TMC1: variants seen among roughly 807,000 people sequenced by gnomAD.
The protein encoded by TMC1 is transmembrane channel-like protein 1.
Under a neutral mutation model 105.8 loss-of-function variants are expected in TMC1, and 84 were observed. The observed-to-expected ratio is 0.79, with a 90% CI of 0.67 to 0.95. The LOEUF (loss-of-function observed/expected upper bound fraction) is 0.95. Ranked by LOEUF, TMC1 falls within the 40% of genes least tolerant of loss-of-function variation. The probability of loss-of-function intolerance (pLI) is 0.00; values close to 1 mark genes in which losing one functional copy is unlikely to be tolerated. For synonymous variants in TMC1, 315 were observed against 311.5 expected (o/e 1.01, Z -0.12); for missense variants, 817 against 914.1 (o/e 0.89, Z 1.37).
chr9:72,725,212 AT>A (rs1827093419), intron 8 of TMC1, among the ~76,000 whole-genome samples: 1 of 151,334 alleles, frequency 6.6e-6, no homozygotes, highest in Non-Finnish European at 1.5e-5. Flanking sequence ...GTTAAACTTT[AT>A]TAAAATGCAC....
At chr9:72,799,735 A>G (rs944783235) in intron 17 of TMC1, among the ~76,000 whole-genome samples, 1 of 152,190 alleles carries the variant, frequency 6.6e-6, no homozygotes, top group Non-Finnish European at 1.5e-5. Flanking sequence ...TGTGGTAGAC[A>G]GAATAATGGC....
At chr9:72,677,799 G>T (rs990545071) in intron 5 of TMC1, among the ~76,000 whole-genome samples, 3 of 152,058 alleles carry the variant, frequency 2.0e-5, no homozygotes, top group African/African-American at 7.2e-5. Flanking sequence ...TAGTATTCAT[G>T]CTGGCTTAAC....
intron 1 of TMC1, among the ~76,000 whole-genome samples, chr9:72,538,283 G>GA (rs2132062200): frequency 6.6e-6 from 1 of 152,180 alleles, no homozygotes; most frequent in Admixed American, 6.5e-5. Context: ...AGACTCTCTG[G>GA]AAAAAACTTG....
intron 4 of TMC1, among the ~76,000 whole-genome samples, chr9:72,644,974 C>T (rs913980766): frequency 1.3e-5 from 2 of 151,780 alleles, no homozygotes; most frequent in Non-Finnish European, 2.9e-5. Context: ...TATCGTGAAG[C>T]GTGGGTGAAA....
chr9:72,655,850 G>GACT (rs1386448122), intron 5 of TMC1: 9 of 753,992 alleles, frequency 1.2e-5, no homozygotes, highest in Non-Finnish European at 4.8e-6. Flanking sequence ...CTACAATGGT[G>GACT]ACTTCCATCT....
intron 17 of TMC1, among the ~76,000 whole-genome samples, chr9:72,803,818 G>A (rs1828521497): frequency 6.6e-6 from 1 of 152,218 alleles, no homozygotes; most frequent in South Asian, 2.1e-4. Context: ...GTGGAAGACA[G>A]TGTGGCAATT....
In TMC1 at chr9:72,816,126, C is replaced by A. The variant is rs184810305; in HGVS notation, c.1696-17C>A. On this transcript the variant is annotated splice_polypyrimidine_tract_variant and intron_variant, in intron 18 of 23. Transcript: ENST00000297784. ...CCATGTGAGACGCTAATCCAATGAA[C>A]ATTGTGTCTCCTCTAGCCTTCATAC... 6.2e-7 allele frequency: 1 copy of A among 1,612,036 alleles called. No homozygotes were observed. The highest frequency in any genetic ancestry group is 2.2e-5 in the East Asian group (1 of 44,856).
At chr9:72,638,792 A>C (rs1039040124) in intron 4 of TMC1, among the ~76,000 whole-genome samples, 3 of 152,154 alleles carry the variant, frequency 2.0e-5, no homozygotes, top group African/African-American at 7.2e-5. Flanking sequence ...TTTTGGACTA[A>C]AATCCAGTTT....
rs755253599 is a variant in TMC1 at position 72,688,691 on chromosome 9, G to A, written c.17-18G>A. The A allele has an allele frequency of 6.2e-7, 1 of 1,604,332 alleles. No homozygotes were observed. The highest frequency in any genetic ancestry group is 8.5e-7 in the Non-Finnish European group (1 of 1,172,518). On this transcript the variant is annotated intron_variant, in intron 5 of 23. Coordinates refer to ENST00000297784, the MANE Select transcript of TMC1 (RefSeq NM_138691.3). ...CAGGCATTTAAATAATTGCTGTACT[G>A]TTTTCTTTCCTCAACAGTACAAATC...
In TMC1 at chr9:72,592,751, G is replaced by A. The variant is rs143500894; in HGVS notation, c.-306+14728G>A. ...CAGATGCTCAATGTCTTACACTTAT[G>A]GAACCGTCAAAGACAGCTGTTAAAT... On this transcript the variant is annotated intron_variant, in intron 2 of 23. Transcript: ENST00000297784. 8.9e-4 allele frequency among the ~76,000 whole-genome samples: 135 copies of A among 152,310 alleles called. 1 individual carries two copies. In the Middle Eastern group the frequency reaches 0.014, roughly 15 times the overall value.
intron 5 of TMC1, among the ~76,000 whole-genome samples, chr9:72,685,246 A>G (rs778275741): frequency 4.0e-5 from 6 of 151,226 alleles, no homozygotes; most frequent in Non-Finnish European, 5.9e-5. Flanking sequence ...AGCTGGGACT[A>G]CAGGCGCCCA....
intron 8 of TMC1, among the ~76,000 whole-genome samples, chr9:72,721,657 T>G (rs1485447034): frequency 6.6e-6 from 1 of 152,192 alleles, no homozygotes; most frequent in Non-Finnish European, 1.5e-5. Context: ...CCTGTAACAG[T>G]GCAGGTCACA....
rs1055315183 is a variant in TMC1, at chr9:72,758,613, G to A, written c.741+3729G>A. Among the ~76,000 whole-genome samples, 66 of 152,226 alleles carry A rather than the reference G, an allele frequency of 4.3e-4. 1 individual carries two copies. The highest frequency in any genetic ancestry group is 1.5e-3 in the African/African-American group (63 of 41,548). ...TAGAGATCAGACGCCACAGACAGCC[G>A]TGGGCTGTCCCTTTAAGAACTCCCA... On this transcript the variant is annotated intron_variant, in intron 12 of 23. Coordinates refer to ENST00000297784, the MANE Select transcript of TMC1 (RefSeq NM_138691.3).
intron 8 of TMC1, among the ~76,000 whole-genome samples, chr9:72,708,902 CT>C (rs1826788025): frequency 6.6e-6 from 1 of 151,648 alleles, no homozygotes; most frequent in Admixed American, 6.6e-5. Flanking sequence ...TCATAGATGG[CT>C]TTTATTACAT....
At chr9:72,571,919 C>T (rs1484397986) in intron 1 of TMC1, among the ~76,000 whole-genome samples, 1 of 151,880 alleles carries the variant, frequency 6.6e-6, no homozygotes, top group African/African-American at 2.4e-5. Context: ...TCACCGCAAC[C>T]TCTGCCTCCT....
chr9:72,583,114 C>T lies in TMC1; in HGVS notation c.-306+5091C>T, dbSNP rs1366428596. ...GTGTGTGCCTGTGATCCCAGCTACT[C>T]AGGAGGCTGAGGTAGGAGAATCACT... On this transcript the variant is annotated intron_variant, in intron 2 of 23. Coordinates refer to ENST00000297784, the MANE Select transcript of TMC1 (RefSeq NM_138691.3). Among the ~76,000 whole-genome samples, 5 of 152,036 alleles carry T rather than the reference C, an allele frequency of 3.3e-5. 1 individual carries two copies. Among genetic ancestry groups the T allele is most frequent in the Non-Finnish European group, 7.4e-5 (5 of 68,010 alleles).
At chr9:72,675,274 G>A (rs1265726608) in intron 5 of TMC1, among the ~76,000 whole-genome samples, 3 of 152,072 alleles carry the variant, frequency 2.0e-5, no homozygotes, top group Admixed American at 6.6e-5. Flanking sequence ...TGAACACATC[G>A]GGGAGGCTAA....
intron 8 of TMC1, among the ~76,000 whole-genome samples, chr9:72,718,215 T>C (rs1826956567): frequency 6.6e-6 from 1 of 152,176 alleles, no homozygotes; most frequent in South Asian, 2.1e-4. Flanking sequence ...ATTCAGGGAT[T>C]TCATATTGGT....
intron 5 of TMC1, among the ~76,000 whole-genome samples, chr9:72,665,449 A>G (rs1246985207): frequency 7.2e-5 from 11 of 152,262 alleles, no homozygotes; most frequent in Non-Finnish European, 2.9e-5. Flanking sequence ...TTAAGGAAGA[A>G]TGTCTATTTT....
Sources: allele counts gnomAD v4.1 joint callset (sites outside exome capture counted in the v4.1 genomes callset), GRCh38; gene constraint gnomAD v4.1.1; transcripts MANE v1.5; gene names NCBI Gene and HGNC (gene_info 2026-07-23, HGNC 2026-07-21).